ABCA6: variants seen among roughly 807,000 people sequenced by gnomAD.
ABCA6 encodes the protein ATP-binding cassette sub-family A member 6.
Under a neutral mutation model 191.2 loss-of-function variants are expected in ABCA6, and 164 were observed. The observed-to-expected ratio is 0.86, with a 90% CI of 0.76 to 0.98. The LOEUF (loss-of-function observed/expected upper bound fraction) is 0.98. Among genes scored for constraint, ABCA6 ranks in the 50% least tolerant of loss-of-function variants. The pLI is 0.00. For missense variants in ABCA6, 1,958 were observed against 1,894.1 expected, an observed-to-expected ratio of 1.03 and a Z score of -0.63; for synonymous variants, 636 against 647.7, an observed-to-expected ratio of 0.98 and a Z score of 0.27.
chr17:69,081,186 G>A (rs1048901717), intron 36 of ABCA6, 41 bp from the exon 37 acceptor site: 2 of 1,116,048 alleles, frequency 1.8e-6, no homozygotes, highest in Non-Finnish European at 2.6e-6. Flanking sequence ...TGAGTTTCAA[G>A]GGGAGAAAAT....
intron 12 of ABCA6, among the ~76,000 whole-genome samples, chr17:69,115,138 C>T (rs1389342748): frequency 6.6e-6 from 1 of 151,998 alleles, no homozygotes; most frequent in Non-Finnish European, 1.5e-5. Flanking sequence ...TTGTTACAAA[C>T]ATATGCTTAT....
intron 13 of ABCA6, among the ~76,000 whole-genome samples, chr17:69,114,080 T>C (rs565577539): frequency 3.0e-4 from 46 of 152,036 alleles, no homozygotes; most frequent in Non-Finnish European, 6.0e-4. Flanking sequence ...ACCCAAAGGA[T>C]TATAAATCAT....
intron 18 of ABCA6, among the ~76,000 whole-genome samples, chr17:69,107,124 T>G (rs2073324037): frequency 6.6e-6 from 1 of 152,162 alleles, no homozygotes; most frequent in Admixed American, 6.6e-5. Flanking sequence ...ATCACTTAAC[T>G]GCTCATAGGT....
At position 69,121,932 on chromosome 17, in the gene ABCA6, A is replaced by T. The variant is rs375086120; in HGVS notation, c.1436+1307T>A. Among the ~76,000 whole-genome samples the T allele has an allele frequency of 2.2e-4, 34 of 152,152 alleles. No homozygotes were observed. The East Asian group carries it at 6.6e-3, about 29-fold the overall frequency. On this transcript the variant is annotated intron_variant, in intron 10 of 38. Transcript: ENST00000284425. ...CAGAGGAAGCGCTGTTGCCCCTCTC[A>T]GAAAACTTAAACGGAAAATTGGTTA...
At position 69,133,773 on chromosome 17, in the gene ABCA6, T is replaced by C. The variant is rs1219531346; in HGVS notation, c.659A>G (p.Asn220Ser). ...LPFITKNLLH[N>S]EMFILFFLLH... ...CAAGAAGAATAAAATAAACATCTCA[T>C]TGTGAAGAAGATTTTTAGTTATGAA... Residue 220 changes from asparagine (N) to serine (S), a missense_variant, in exon 6 of 39, where the codon AAT becomes AGT. Asn to Ser is a conservative substitution (Grantham distance 46). Coordinates refer to ENST00000284425, the MANE Select transcript of ABCA6 (RefSeq NM_080284.3). 9.3e-6 allele frequency: 15 copies of C among 1,612,186 alleles called. No individual in the cohort carries two copies. The South Asian group carries it at 1.5e-4, about 17-fold the overall frequency.
chr17:69,138,496 A>C (rs920145176), intron 2 of ABCA6, among the ~76,000 whole-genome samples: 1 of 152,124 alleles, frequency 6.6e-6, no homozygotes, highest in East Asian at 1.9e-4. Flanking sequence ...GGAAGAATCA[A>C]TATCGTGAAA....
chr17:69,105,278 C>A, intron 20 of ABCA6, 184 bp downstream of exon 20: 1 of 600,884 alleles, frequency 1.7e-6, no homozygotes, highest in South Asian at 2.5e-5. Context: ...TTCTCTTGTC[C>A]TCATCATCCC....
At chr17:69,109,409 A>T (rs926592846) in intron 17 of ABCA6, 1 of 152,242 alleles carries the variant, frequency 6.6e-6, no homozygotes, top group African/African-American at 2.4e-5. Context: ...TTCTTATCAA[A>T]CAAAGTCTGA....
At position 69,106,123 on chromosome 17, in the gene ABCA6, A is replaced by C. The variant is rs2073297961; in HGVS notation, c.2478T>G (p.Ala826=). ...TTCTCCAGAGGCCCATGTCACTCAC[A>C]GCTGTCTGCATTTCAGAGAAGGAAG... The part of the protein sequence containing the change: ...AHSSFSEMQT[A]VSDMGLWRMQ... Residue 826 remains alanine, a synonymous_variant, in exon 19 of 39, where the codon GCT becomes GCG. Coordinates refer to ENST00000284425, the MANE Select transcript of ABCA6 (RefSeq NM_080284.3). 1 of 1,613,834 alleles carries C rather than the reference A, an allele frequency of 6.2e-7. No individual in the cohort carries two copies. The highest frequency in any genetic ancestry group is 1.3e-5 in the African/African-American group (1 of 74,900).
chr17:69,111,385 G>A (rs1468878813), intron 16 of ABCA6: 3 of 152,736 alleles, frequency 2.0e-5, no homozygotes, highest in Admixed American at 6.5e-5. Flanking sequence ...AATATGGTTT[G>A]GCTGTGTCCC....
chr17:69,134,171 T>G (rs924969745), intron 5 of ABCA6, among the ~76,000 whole-genome samples: 13 of 152,226 alleles, frequency 8.5e-5, no homozygotes, highest in African/African-American at 2.9e-4. Context: ...TGCTTCATTA[T>G]ATAACCACAG....
chr17:69,127,715 TA>T (rs1236812308), intron 8 of ABCA6, among the ~76,000 whole-genome samples: 1 of 152,120 alleles, frequency 6.6e-6, no homozygotes, highest in Non-Finnish European at 1.5e-5. Context: ...TATTTGGTGG[TA>T]GCTACTAAGA....
intron 15 of ABCA6, 119 bp from the exon 16 acceptor site, chr17:69,112,392 C>A: frequency 1.4e-6 from 1 of 701,338 alleles, no homozygotes; most frequent in Non-Finnish European, 2.5e-6. Context: ...CAGGGTATAA[C>A]TAGATCTAGT....
At chr17:69,135,430 T>C (rs2073932763) in intron 4 of ABCA6, 1 of 152,428 alleles carries the variant, frequency 6.6e-6, no homozygotes, top group African/African-American at 2.4e-5. Flanking sequence ...ATTACACTTT[T>C]GCCGTGATTA....
intron 14 of ABCA6, 124 bp from the exon 15 acceptor site, chr17:69,113,484 T>G: frequency 6.5e-7 from 1 of 1,528,372 alleles, no homozygotes. Context: ...CCAATATACT[T>G]CTATTTATAG....
At chr17:69,109,416 C>T (rs1359916855) in intron 17 of ABCA6, 1 of 152,160 alleles carries the variant, frequency 6.6e-6, no homozygotes, top group Non-Finnish European at 1.5e-5. Flanking sequence ...CAAACAAAGT[C>T]TGAATGGGTG....
chr17:69,134,886 G>GTATTTTTTTT, intron 4 of ABCA6, 144 bp from the exon 5 acceptor site: 9 of 127,036 alleles, frequency 7.1e-5, no homozygotes, highest in Non-Finnish European at 9.9e-5. Context: ...TGTTGTGGTT[G>GTATTTTTTTT]TCTTTTTTTT....
intron 6 of ABCA6, among the ~76,000 whole-genome samples, chr17:69,132,964 A>G (rs562997630): frequency 1.9e-4 from 29 of 152,330 alleles, no homozygotes; most frequent in African/African-American, 6.0e-4. Context: ...TACATAGCAC[A>G]TATGTATGTG....
intron 22 of ABCA6, 137 bp downstream of exon 22, chr17:69,100,660 A>G (rs770552379): frequency 4.6e-5 from 43 of 934,818 alleles, no homozygotes; most frequent in Non-Finnish European, 6.3e-5. Context: ...GTTTGCTATA[A>G]CCCATTGAAA....
Sources: allele counts gnomAD v4.1 joint callset (sites outside exome capture counted in the v4.1 genomes callset), GRCh38; gene constraint gnomAD v4.1.1; transcripts MANE v1.5; gene names NCBI Gene and HGNC (gene_info 2026-07-23, HGNC 2026-07-21).